The following ASB13 variants were observed in gnomAD, a reference collection of about 807,000 sequenced individuals.
The protein encoded by ASB13 is ankyrin repeat and SOCS box protein 13.
A neutral mutation model predicts 28.8 loss-of-function variants in ASB13; 33 were observed. The observed-to-expected ratio is 1.15, with a 90% CI of 0.87 to 1.53. The LOEUF is 1.53. ASB13 is among the 40% of genes most tolerant of loss of function. ASB13 has a pLI of 0.00. For synonymous variants in ASB13, 182 were observed against 172.9 expected (o/e 1.05, Z -0.41); for missense variants, 414 against 390.1 (o/e 1.06, Z -0.52).
Position 5,663,272 on chromosome 10 carries a change from G to A in ASB13, c.43+3237C>T, listed in dbSNP as rs1465806977. ...GTGGGCTAAGGAGTAAAGGAACTGG[G>A]AGAAAGGACCGAAGGTGTCAGGAGA... is the stretch of plus-strand genomic sequence containing the variant. On this transcript the variant is annotated intron_variant, in intron 1 of 5. Coordinates refer to ENST00000357700, the MANE Select transcript of ASB13 (RefSeq NM_024701.4). This position sits in a 1 kb window ranked among gnomAD's most constrained non-coding sequence, Gnocchi z 4.9. Among the ~76,000 whole-genome samples the A allele has an allele frequency of 6.6e-6, 1 of 152,228 alleles. No homozygotes were observed. Among genetic ancestry groups the A allele is most frequent in the African/African-American group, 2.4e-5 (1 of 41,460 alleles).
In ASB13 at chr10:5,655,465, A is replaced by G. The variant is rs572647309; in HGVS notation, c.44-2415T>C. Among the ~76,000 whole-genome samples the G allele has an allele frequency of 3.9e-5, 6 of 152,332 alleles. No individual in the cohort carries two copies. The highest frequency in any genetic ancestry group is 1.2e-4 in the African/African-American group (5 of 41,554). ...CCTGGCACCGAATCAGTGCTCAATA[A>G]ACACTGTCTGTTTGTAGTATTTTTG... On this transcript the variant is annotated intron_variant, in intron 1 of 5. Coordinates refer to ENST00000357700, the MANE Select transcript of ASB13 (RefSeq NM_024701.4). This position sits in a 1 kb window ranked among gnomAD's most constrained non-coding sequence, Gnocchi z 6.2.
At position 5,641,813 on chromosome 10, in the gene ASB13, C is replaced by T. The variant is rs996759743; in HGVS notation, c.666G>A (p.Thr222=). 3.1e-6 allele frequency: 5 copies of T among 1,611,380 alleles called. No individual in the cohort carries two copies. The highest frequency in any genetic ancestry group is 2.5e-6 in the Non-Finnish European group (3 of 1,179,010). Residue 222 remains threonine (T), a synonymous_variant, in exon 5 of 6, where the codon ACG becomes ACA. Transcript: ENST00000357700. The surrounding 1 kb of genome is among the most constrained non-coding windows in gnomAD (Gnocchi z 8.4). ...ACTTGGCGGGAGCGCTGCTGCTCCA[C>T]GTGTAGTCAGACGGCTTCTTCCCGC... The part of the protein sequence containing the change: ...DNRGKKPSDY[T]WSSSAPAKCF...
chr10:5,657,209 C>T (rs868147821), intron 1 of ASB13, among the ~76,000 whole-genome samples: 2 of 152,038 alleles, frequency 1.3e-5, no homozygotes, highest in Non-Finnish European at 2.9e-5. Context: ...AAGAAACTTC[C>T]GTGCATCAAA....
chr10:5,649,992 C>T lies in ASB13; in HGVS notation c.383-888G>A, dbSNP rs777768815. ...TTGGCAGCTCCCTAATTTTCCCCAC[C>T]AGCCTCACACCCAGCCCCAGCCCCA... On this transcript the variant is annotated intron_variant, in intron 3 of 5. Transcript: ENST00000357700. The surrounding 1 kb of genome is among the most constrained non-coding windows in gnomAD (Gnocchi z 6.4). Among the ~76,000 whole-genome samples the T allele has an allele frequency of 6.6e-6, 1 of 152,196 alleles. No homozygotes were observed. The highest frequency in any genetic ancestry group is 6.5e-5 in the Admixed American group (1 of 15,284).
chr10:5,646,288 G>T (rs767717693), intron 4 of ASB13, among the ~76,000 whole-genome samples: 2 of 152,164 alleles, frequency 1.3e-5, no homozygotes, highest in Admixed American at 6.5e-5. Flanking sequence ...CGTGGGTCCC[G>T]CCTAGTCCAA....
intron 4 of ASB13, among the ~76,000 whole-genome samples, 161 bp downstream of exon 4, chr10:5,648,809 G>A (rs1311904493): frequency 5.3e-5 from 8 of 150,136 alleles, no homozygotes; most frequent in South Asian, 4.2e-4. Context: ...CACCCACTCC[G>A]GTAAACACCC....
intron 1 of ASB13, among the ~76,000 whole-genome samples, chr10:5,665,694 T>A (rs1835248113): frequency 6.6e-6 from 1 of 152,206 alleles, no homozygotes; most frequent in East Asian, 1.9e-4. Flanking sequence ...AATTAAAATA[T>A]CTTTGCCTTG....
At chr10:5,648,868 A>G (rs1356480867) in intron 4 of ASB13, 102 bp downstream of exon 4, 1 of 1,552,682 alleles carries the variant, frequency 6.4e-7, no homozygotes, top group Admixed American at 1.8e-5. Context: ...GTAAACACCC[A>G]CTCGGGCAAA....
At position 5,651,378 on chromosome 10, in the gene ASB13, A is replaced by G. The variant is rs1180240651; in HGVS notation, c.232-15T>C. 1 of 1,583,850 alleles carries G rather than the reference A, an allele frequency of 6.3e-7. No individual in the cohort carries two copies. The highest frequency in any genetic ancestry group is 1.8e-5 in the Admixed American group (1 of 56,062). The stretch of plus-strand genomic sequence containing the variant: ...CGAGCATCCACCTCACGGGAGGAAG[A>G]AACAAGTGTCAAAGGGCAGAGAAAT... On this transcript the variant is annotated splice_polypyrimidine_tract_variant and intron_variant, in intron 2 of 5. Coordinates refer to ENST00000357700, the MANE Select transcript of ASB13 (RefSeq NM_024701.4). This position sits in a 1 kb window ranked among gnomAD's most constrained non-coding sequence, Gnocchi z 5.1.
Position 5,664,597 on chromosome 10 carries a change from G to T in ASB13, c.43+1912C>A, listed in dbSNP as rs970845830. Reference sequence around the variant, plus strand: ...CCCTGGGGGGAACGTACGGGGGAGTGGGGGAGCAGCCAGTAGGTTAGAGGT... The same window carrying T: ...CCCTGGGGGGAACGTACGGGGGAGTTGGGGAGCAGCCAGTAGGTTAGAGGT... On this transcript the variant is annotated intron_variant, in intron 1 of 5. Transcript: ENST00000357700. This position sits in a 1 kb window ranked among gnomAD's most constrained non-coding sequence, Gnocchi z 4.2. Among the ~76,000 whole-genome samples the T allele has an allele frequency of 6.6e-6, 1 of 152,180 alleles. No individual in the cohort carries two copies. The highest frequency in any genetic ancestry group is 6.5e-5 in the Admixed American group (1 of 15,280).
chr10:5,657,904 T>C (rs563878333), intron 1 of ASB13, among the ~76,000 whole-genome samples: 3 of 152,254 alleles, frequency 2.0e-5, no homozygotes, highest in Admixed American at 6.5e-5. Flanking sequence ...TCCCAGCACT[T>C]TGGGAGGCCG....
chr10:5,653,122 C>T, intron 1 of ASB13, 72 bp from the exon 2 acceptor site: 7 of 1,406,988 alleles, frequency 5.0e-6, no homozygotes, highest in Non-Finnish European at 6.7e-6. Context: ...ACGTAAGACT[C>T]CAGGGTCCCT....
rs1341383730 is a variant in ASB13, at chr10:5,658,427, A to G, written c.44-5377T>C. The stretch of plus-strand genomic sequence containing the variant: ...GCCTGGGTGACTTTGTCTGAAAAAA[A>G]AAAAAAAAACAAAACCAAATAAGCC... On this transcript the variant is annotated intron_variant, in intron 1 of 5. Coordinates refer to ENST00000357700, the MANE Select transcript of ASB13 (RefSeq NM_024701.4). This position sits in a 1 kb window ranked among gnomAD's most constrained non-coding sequence, Gnocchi z 4.2. Among the ~76,000 whole-genome samples, 1 of 152,054 alleles carries G rather than the reference A, an allele frequency of 6.6e-6. No homozygotes were observed. Among genetic ancestry groups the G allele is most frequent in the Non-Finnish European group, 1.5e-5 (1 of 68,008 alleles).
rs1358165364 is a variant in ASB13, at chr10:5,648,531, TACTCAGGTAAACACCC to T, written c.517+423_517+438del. Among the ~76,000 whole-genome samples the T allele has an allele frequency of 2.1e-3, 148 of 70,416 alleles. 1 individual carries two copies. Among genetic ancestry groups the T allele is most frequent in the African/African-American group, 8.2e-3 (141 of 17,098 alleles). The allele number at this position is 70,416 out of a possible 152,430, so 46.2% of individuals were successfully genotyped here. A position where few individuals can be genotyped will look rare whatever the true frequency, so the allele number is the denominator to read the frequency against. ...GTAAACACCCACGCGGGCAAACACC[TACTCAGGTAAACACCC>T]ACTCAGGTAAACACCCACGCAGGCA... is the stretch of plus-strand genomic sequence containing the variant. On this transcript the variant is annotated intron_variant, in intron 4 of 5. Transcript: ENST00000357700.
In ASB13 at chr10:5,663,561, C is replaced by T. The variant is rs753205340; in HGVS notation, c.43+2948G>A. The stretch of plus-strand genomic sequence containing the variant: ...CCTGAGCTCTGATCCTGCATCCTCC[C>T]TGTCTCAGTTAAGGGACCTGAGGGA... On this transcript the variant is annotated intron_variant, in intron 1 of 5. Coordinates refer to ENST00000357700, the MANE Select transcript of ASB13 (RefSeq NM_024701.4). The surrounding 1 kb of genome is among the most constrained non-coding windows in gnomAD (Gnocchi z 4.9). Among the ~76,000 whole-genome samples the T allele has an allele frequency of 6.6e-6, 1 of 152,296 alleles. No homozygotes were observed.
chr10:5,655,130 G>A lies in ASB13; in HGVS notation c.44-2080C>T, dbSNP rs146486474. 7.3e-5 allele frequency among the ~76,000 whole-genome samples: 11 copies of A among 151,318 alleles called. No individual in the cohort carries two copies. In the East Asian group the frequency reaches 7.8e-4, roughly 11 times the overall value. ...AAAAAAAAAAAAAAGTGTCTGCATC[G>A]AATTTCCTCTGCAGGTGGGTAGCCT... is the stretch of plus-strand genomic sequence containing the variant. On this transcript the variant is annotated intron_variant, in intron 1 of 5. Coordinates refer to ENST00000357700, the MANE Select transcript of ASB13 (RefSeq NM_024701.4). This position sits in a 1 kb window ranked among gnomAD's most constrained non-coding sequence, Gnocchi z 6.2.
At position 5,663,472 on chromosome 10, in the gene ASB13, A is replaced by G. The variant is rs1835206970; in HGVS notation, c.43+3037T>C. On this transcript the variant is annotated intron_variant, in intron 1 of 5. Transcript: ENST00000357700. This position sits in a 1 kb window ranked among gnomAD's most constrained non-coding sequence, Gnocchi z 4.9. ...CCCCAAAGGCTATGGCCCAGGGAGC[A>G]TGGGGAGGGTCCCCCAGTCCCACCC... 6.6e-6 allele frequency among the ~76,000 whole-genome samples: 1 copy of G among 152,132 alleles called. No individual in the cohort carries two copies. Among genetic ancestry groups the G allele is most frequent in the Non-Finnish European group, 1.5e-5 (1 of 68,002 alleles).
rs1310803917 is a variant in ASB13, at chr10:5,651,031, G to C, written c.382+182C>G. Among the ~76,000 whole-genome samples the C allele has an allele frequency of 6.6e-6, 1 of 152,180 alleles. No individual in the cohort carries two copies. The highest frequency in any genetic ancestry group is 2.4e-5 in the African/African-American group (1 of 41,436). ...CAGCCCTGGACGAAGACCTCAAGAAGGGAAAGCTTAGAATCTCTGCAGCTG... is the reference window on the plus strand; with the variant it reads ...CAGCCCTGGACGAAGACCTCAAGAACGGAAAGCTTAGAATCTCTGCAGCTG... On this transcript the variant is annotated intron_variant, in intron 3 of 5. Coordinates refer to ENST00000357700, the MANE Select transcript of ASB13 (RefSeq NM_024701.4). The surrounding 1 kb of genome is among the most constrained non-coding windows in gnomAD (Gnocchi z 5.1).
rs1210264947 is a variant in ASB13 at position 5,642,716 on chromosome 10, G to A, written c.518-755C>T. Among the ~76,000 whole-genome samples, 5 of 150,604 alleles carry A rather than the reference G, an allele frequency of 3.3e-5. No individual in the cohort carries two copies. The highest frequency in any genetic ancestry group is 4.2e-4 in the South Asian group (2 of 4,768). ...GGCTGGAGTGCAGTGACATGATCTC[G>A]GCTCACTGCAACCTCCGCCTCCAGG... On this transcript the variant is annotated intron_variant, in intron 4 of 5. Coordinates refer to ENST00000357700, the MANE Select transcript of ASB13 (RefSeq NM_024701.4). This position sits in a 1 kb window ranked among gnomAD's most constrained non-coding sequence, Gnocchi z 4.1.
Sources: allele counts gnomAD v4.1 joint callset (sites outside exome capture counted in the v4.1 genomes callset), GRCh38; gene constraint gnomAD v4.1.1; non-coding constraint Gnocchi (gnomAD v3.1); transcripts MANE v1.5; gene names NCBI Gene and HGNC (gene_info 2026-07-23, HGNC 2026-07-21).